Variants in ARHGEF33 observed in about 807,000 individuals in gnomAD.
The protein encoded by ARHGEF33 is DH and coiled-coil domain-containing protein ENSP00000381780.
In ARHGEF33, 72 loss-of-function variants were observed where a neutral mutation model predicts 101.9. The ratio of observed to expected loss-of-function variants is 0.71; its 90% CI spans 0.58 to 0.86. The LOEUF (loss-of-function observed/expected upper bound fraction) is 0.86, where lower values mean the gene tolerates loss of function less well. ARHGEF33 is among the 40% of genes least tolerant of loss of function. The pLI is 0.00. For missense variants in ARHGEF33, 1,169 were observed against 1,111.3 expected (o/e 1.05, Z -0.74); for synonymous variants, 499 against 442.5 (o/e 1.13, Z -1.60).
intron 1 of ARHGEF33, among the ~76,000 whole-genome samples, chr2:38,891,866 G>GA (rs1010680665): frequency 2.0e-5 from 3 of 151,386 alleles, no homozygotes; most frequent in East Asian, 1.9e-4. Context: ...GTCATGGAAG[G>GA]AAAAAAAACC....
At position 38,911,248 on chromosome 2, in the gene ARHGEF33, C is replaced by A. The variant is rs917514500; in HGVS notation, c.-85-8115C>A. On this transcript the variant is annotated intron_variant, in intron 2 of 17. Transcript: ENST00000409978. ...TCTTGAAAATGTCTACAGGATTTGT[C>A]CTGATGAATTATTTTAGTTTCAGGG... Among the ~76,000 whole-genome samples, 3 of 152,132 alleles carry A rather than the reference C, an allele frequency of 2.0e-5. No individual in the cohort carries two copies. In the East Asian group the frequency reaches 5.8e-4, roughly 29 times the overall value.
chr2:38,948,656 A>G (rs965275203), intron 10 of ARHGEF33, among the ~76,000 whole-genome samples: 3 of 152,208 alleles, frequency 2.0e-5, no homozygotes, highest in Admixed American at 2.0e-4. Flanking sequence ...CATTTTATAT[A>G]CATATATGGA....
intron 2 of ARHGEF33, among the ~76,000 whole-genome samples, chr2:38,917,467 A>C (rs1666660075): frequency 6.6e-6 from 1 of 152,154 alleles, no homozygotes; most frequent in Admixed American, 6.5e-5. Context: ...ACATTCAATG[A>C]GTTTTGGCAA....
intron 2 of ARHGEF33, among the ~76,000 whole-genome samples, chr2:38,906,863 T>C (rs983124805): frequency 7.4e-6 from 1 of 134,736 alleles, no homozygotes; most frequent in African/African-American, 2.8e-5. Flanking sequence ...GCAGCTGAGG[T>C]GGGAAGATTG....
At chr2:38,893,048 C>G (rs760624057) in intron 1 of ARHGEF33, among the ~76,000 whole-genome samples, 1 of 152,188 alleles carries the variant, frequency 6.6e-6, no homozygotes, top group Non-Finnish European at 1.5e-5. Context: ...ATTCAAGGCT[C>G]TCTATCTGCC....
chr2:38,915,259 A>G (rs938018089), intron 2 of ARHGEF33, among the ~76,000 whole-genome samples: 6 of 152,208 alleles, frequency 3.9e-5, no homozygotes, highest in African/African-American at 1.4e-4. Flanking sequence ...AAAACATTCC[A>G]GAGAAAAAAT....
At chr2:38,921,511 A>C (rs1666756517) in intron 4 of ARHGEF33, 88 bp downstream of exon 4, 1 of 895,714 alleles carries the variant, frequency 1.1e-6, no homozygotes, top group South Asian at 1.4e-5. Context: ...TAGCACTCAC[A>C]AGTGCTTCCA....
intron 13 of ARHGEF33, among the ~76,000 whole-genome samples, chr2:38,955,779 C>A (rs936996772): frequency 4.5e-4 from 69 of 151,982 alleles, no homozygotes; most frequent in Admixed American, 1.7e-3. Flanking sequence ...CGGGTTCATG[C>A]CATTTTCCTG....
At chr2:38,897,809 A>G (rs1358605883) in intron 2 of ARHGEF33, among the ~76,000 whole-genome samples, 2 of 152,238 alleles carry the variant, frequency 1.3e-5, no homozygotes, top group Non-Finnish European at 2.9e-5. Context: ...CATTTGCACA[A>G]AATATTGAAG....
chr2:38,957,955 A>G (rs1428503250), intron 14 of ARHGEF33, 79 bp from the exon 15 acceptor site: 13 of 1,476,516 alleles, frequency 8.8e-6, no homozygotes, highest in Admixed American at 2.0e-5. Flanking sequence ...ACATCTCTCT[A>G]TCTTTTTTGG....
In ARHGEF33 at chr2:38,919,408, A is replaced by G. The variant is rs1158280572; in HGVS notation, c.-40A>G. The G allele has an allele frequency of 3.2e-6, 5 of 1,551,190 alleles. No individual in the cohort carries two copies. The highest frequency in any genetic ancestry group is 2.4e-5 in the East Asian group (1 of 40,896). ...CCTGAGCCAGGACGATGAGGATGCA[A>G]TGTTGAAGAATAAGCTGGAGAAGAG... On this transcript the variant is annotated 5_prime_UTR_variant, in exon 3 of 18. An upstream start codon of the reference 5' UTR is lost. Coordinates refer to ENST00000409978, the MANE Select transcript of ARHGEF33 (RefSeq NM_001145451.5).
chr2:38,919,014 C>G (rs1666697770), intron 2 of ARHGEF33, among the ~76,000 whole-genome samples: 2 of 152,078 alleles, frequency 1.3e-5, no homozygotes, highest in South Asian at 4.2e-4. Flanking sequence ...TCACTGCACT[C>G]TATCCCGGGT....
chr2:38,932,546 A>G (rs924644574), intron 7 of ARHGEF33, among the ~76,000 whole-genome samples: 3 of 152,052 alleles, frequency 2.0e-5, no homozygotes, highest in Non-Finnish European at 2.9e-5. Flanking sequence ...AGGTGGCTCT[A>G]TTTTCTTTCC....
chr2:38,900,206 T>A (rs1483706030), intron 2 of ARHGEF33, among the ~76,000 whole-genome samples: 1 of 151,928 alleles, frequency 6.6e-6, no homozygotes, highest in Non-Finnish European at 1.5e-5. Context: ...TAAAAATAAA[T>A]AAGTAAATAC....
chr2:38,909,083 C>T (rs887583851), intron 2 of ARHGEF33, among the ~76,000 whole-genome samples: 8 of 152,072 alleles, frequency 5.3e-5, no homozygotes, highest in Non-Finnish European at 1.0e-4. Context: ...CGTGTATACC[C>T]CTTAGTTGCT....
At chr2:38,908,605 G>A (rs1481525678) in intron 2 of ARHGEF33, among the ~76,000 whole-genome samples, 1 of 152,164 alleles carries the variant, frequency 6.6e-6, no homozygotes, top group Non-Finnish European at 1.5e-5. Flanking sequence ...AGTGGAGTGA[G>A]GATGGAAGGA....
At chr2:38,914,627 A>G (rs1458197162) in intron 2 of ARHGEF33, among the ~76,000 whole-genome samples, 1 of 146,942 alleles carries the variant, frequency 6.8e-6, no homozygotes, top group Non-Finnish European at 1.5e-5. Context: ...GGATCTCACC[A>G]CTGTACTCCA....
rs1237435037 is a variant in ARHGEF33 at position 38,917,847 on chromosome 2, AG to A, written c.-85-1515del. ...TTGTCTCAAAAAAAAAAAAAAAAAAAGTTTCCTGTGCCTCTTCCCAGTTATC... is the reference window on the plus strand; with the variant it reads ...TTGTCTCAAAAAAAAAAAAAAAAAAATTTCCTGTGCCTCTTCCCAGTTATC... On this transcript the variant is annotated intron_variant, in intron 2 of 17. Transcript: ENST00000409978. Among the ~76,000 whole-genome samples the A allele has an allele frequency of 1.6e-3, 236 of 151,008 alleles. 3 individuals are homozygous for A. Among genetic ancestry groups the A allele is most frequent in the African/African-American group, 5.1e-3 (209 of 40,950 alleles).
At chr2:38,894,198 T>C (rs974905710) in intron 1 of ARHGEF33, among the ~76,000 whole-genome samples, 3 of 151,932 alleles carry the variant, frequency 2.0e-5, no homozygotes, top group Admixed American at 6.6e-5. Context: ...CCAGGCATGG[T>C]GGCATGCACC....
Sources: allele counts gnomAD v4.1 joint callset (sites outside exome capture counted in the v4.1 genomes callset), GRCh38; gene constraint gnomAD v4.1.1; transcripts MANE v1.5; gene names NCBI Gene and HGNC (gene_info 2026-07-23, HGNC 2026-07-21).